The following MYRIP variants were observed in gnomAD, a reference collection of about 807,000 sequenced individuals.
MYRIP encodes rab effector MyRIP.
Under a neutral mutation model 98.0 loss-of-function variants are expected in MYRIP, and 49 were observed. The ratio of observed to expected loss-of-function variants is 0.50; its 90% CI spans 0.40 to 0.63. The LOEUF (loss-of-function observed/expected upper bound fraction) is 0.63. Among genes scored for constraint, MYRIP ranks in the 30% least tolerant of loss-of-function variants. The pLI is 0.00. For missense variants in MYRIP, 1,004 were observed against 1,058.2 expected (o/e 0.95, Z 0.71); for synonymous variants, 404 against 409.5 (o/e 0.99, Z 0.16).
At chr3:40,102,288 A>G (rs1342327439) in intron 3 of MYRIP, among the ~76,000 whole-genome samples, 2 of 152,130 alleles carry the variant, frequency 1.3e-5, no homozygotes, top group African/African-American at 4.8e-5. Flanking sequence ...AGGCCTAACT[A>G]TTTCATCTGC....
intron 2 of MYRIP, among the ~76,000 whole-genome samples, chr3:40,016,783 T>C (rs1381647849): frequency 1.3e-5 from 2 of 152,230 alleles, no homozygotes; most frequent in Admixed American, 6.5e-5. Flanking sequence ...CTTATTAACG[T>C]ACACAAAGCA....
chr3:40,250,303 C>A lies in MYRIP; in HGVS notation c.2344C>A (p.Arg782=). ...ACCATGTGTGCGCTTCACAAGAAGA[C>A]GGGATCAGAAGCAAAGGACCCAGGT... is the stretch of plus-strand genomic sequence containing the variant. The part of the protein sequence containing the change: ...IAPCVRFTRR[R]DQKQRTQVQT... The change falls in exon 14 of 17, where the codon CGG becomes AGG. Residue 782 remains arginine (R), a synonymous_variant. Coordinates refer to ENST00000302541, the MANE Select transcript of MYRIP (RefSeq NM_015460.4). 7 of 1,614,042 alleles carry A rather than the reference C, an allele frequency of 4.3e-6. No individual in the cohort carries two copies. The highest frequency in any genetic ancestry group is 5.9e-6 in the Non-Finnish European group (7 of 1,179,902).
intron 11 of MYRIP, among the ~76,000 whole-genome samples, chr3:40,216,710 T>C (rs560366573): frequency 7.2e-5 from 11 of 152,278 alleles, no homozygotes; most frequent in Non-Finnish European, 1.3e-4. Context: ...ACATATTCCA[T>C]TGGGGGGAAA....
intron 13 of MYRIP, among the ~76,000 whole-genome samples, chr3:40,245,747 ATTTT>A (rs539410162): frequency 1.0e-5 from 1 of 95,844 alleles, no homozygotes; most frequent in Admixed American, 1.3e-4. Context: ...TGGTTTGCTG[ATTTT>A]TTTTTTTTTT....
intron 2 of MYRIP, among the ~76,000 whole-genome samples, chr3:40,017,598 A>G (rs900529063): frequency 1.3e-5 from 2 of 152,178 alleles, no homozygotes; most frequent in African/African-American, 4.8e-5. Flanking sequence ...AAAGATACAT[A>G]AGGGAACTTT....
intron 1 of MYRIP, among the ~76,000 whole-genome samples, chr3:39,854,872 G>C (rs979816273): frequency 1.3e-5 from 2 of 152,140 alleles, no homozygotes; most frequent in African/African-American, 4.8e-5. Flanking sequence ...CTAGGGGTGG[G>C]GTTTCCTGAG....
chr3:40,000,777 C>T (rs1946501798), intron 2 of MYRIP, among the ~76,000 whole-genome samples: 1 of 152,124 alleles, frequency 6.6e-6, no homozygotes, highest in Non-Finnish European at 1.5e-5. Context: ...TGACAGATGG[C>T]CCTGGGAAGC....
At chr3:39,902,761 G>T (rs1279080669) in intron 2 of MYRIP, among the ~76,000 whole-genome samples, 1 of 152,186 alleles carries the variant, frequency 6.6e-6, no homozygotes, top group Non-Finnish European at 1.5e-5. Flanking sequence ...TAGCTCCATT[G>T]CAGAGTCAGG....
At chr3:39,862,726 C>T (rs1942510008) in intron 1 of MYRIP, among the ~76,000 whole-genome samples, 2 of 152,108 alleles carry the variant, frequency 1.3e-5, no homozygotes, top group Non-Finnish European at 2.9e-5. Flanking sequence ...TGTGTTAGGT[C>T]ATCAAGGCAG....
chr3:40,033,514 G>A (rs1270649793), intron 2 of MYRIP, among the ~76,000 whole-genome samples: 1 of 152,130 alleles, frequency 6.6e-6, no homozygotes, highest in Non-Finnish European at 1.5e-5. Context: ...AACTAACAAC[G>A]GACGTGAAGG....
chr3:40,086,851 C>A (rs1327756250), intron 3 of MYRIP, among the ~76,000 whole-genome samples: 1 of 151,830 alleles, frequency 6.6e-6, no homozygotes, highest in Non-Finnish European at 1.5e-5. Context: ...CAGCCATGGC[C>A]CCCCACATTC....
chr3:39,837,577 A>C (rs896557923), intron 1 of MYRIP, among the ~76,000 whole-genome samples: 1 of 151,982 alleles, frequency 6.6e-6, no homozygotes, highest in African/African-American at 2.4e-5. Context: ...TGGTCTATAT[A>C]TCTGTTTTGG....
intron 2 of MYRIP, among the ~76,000 whole-genome samples, chr3:40,013,610 C>T (rs1946805003): frequency 6.6e-6 from 1 of 152,252 alleles, no homozygotes; most frequent in Non-Finnish European, 1.5e-5. Flanking sequence ...ATTGGGACTT[C>T]AGGATGGGGC....
At chr3:40,056,785 C>G (rs1002873512) in intron 3 of MYRIP, among the ~76,000 whole-genome samples, 1 of 152,176 alleles carries the variant, frequency 6.6e-6, no homozygotes, top group South Asian at 2.1e-4. Flanking sequence ...AAATCCATAG[C>G]GCATTATAAA....
At chr3:39,825,224 A>G (rs1013866452) in intron 1 of MYRIP, among the ~76,000 whole-genome samples, 1 of 152,112 alleles carries the variant, frequency 6.6e-6, no homozygotes, top group African/African-American at 2.4e-5. Flanking sequence ...TACTTCCAGT[A>G]CTATGTTGAA....
intron 2 of MYRIP, among the ~76,000 whole-genome samples, chr3:39,994,193 A>T (rs981513242): frequency 6.6e-6 from 1 of 152,184 alleles, no homozygotes; most frequent in Non-Finnish European, 1.5e-5. Flanking sequence ...CAGTGGGTGC[A>T]GGACAGTGGG....
chr3:39,986,732 G>T (rs771919822), intron 2 of MYRIP, among the ~76,000 whole-genome samples: 1 of 152,152 alleles, frequency 6.6e-6, no homozygotes, highest in African/African-American at 2.4e-5. Flanking sequence ...CCGTGGGTAG[G>T]GGGTGGAGTG....
intron 2 of MYRIP, among the ~76,000 whole-genome samples, chr3:39,955,031 G>A (rs187105838): frequency 6.6e-6 from 1 of 152,270 alleles, no homozygotes; most frequent in Admixed American, 6.5e-5. Context: ...TATGTGAAAA[G>A]ACCAAATCTA....
chr3:40,154,463 G>T (rs1486881063), intron 4 of MYRIP, among the ~76,000 whole-genome samples: 1 of 152,212 alleles, frequency 6.6e-6, no homozygotes, highest in Non-Finnish European at 1.5e-5. Flanking sequence ...AGTCAGATAA[G>T]TAAGTACATT....
Sources: allele counts gnomAD v4.1 joint callset (sites outside exome capture counted in the v4.1 genomes callset), GRCh38; gene constraint gnomAD v4.1.1; transcripts MANE v1.5; gene names NCBI Gene and HGNC (gene_info 2026-07-23, HGNC 2026-07-21).